The following LRRC36 variants were observed in gnomAD, a reference collection of about 807,000 sequenced individuals.
LRRC36 encodes the protein leucine-rich repeat-containing protein 36.
LRRC36 carries 62 observed loss-of-function variants against 81.1 expected under a neutral mutation model. The ratio of observed to expected loss-of-function variants is 0.76; its 90% CI spans 0.62 to 0.94. The LOEUF (loss-of-function observed/expected upper bound fraction) is 0.94, where lower values mean the gene tolerates loss of function less well. Among genes scored for constraint, LRRC36 ranks in the 40% least tolerant of loss-of-function variants. The probability of loss-of-function intolerance (pLI) is 0.00; values close to 1 mark genes in which losing one functional copy is unlikely to be tolerated. For synonymous variants in LRRC36, 334 were observed against 348.6 expected (o/e 0.96, Z 0.47); for missense variants, 761 against 881.7 (o/e 0.86, Z 1.73).
At chr16:67,327,822 A>G (rs767417710) in intron 1 of LRRC36, among the ~76,000 whole-genome samples, 5 of 152,198 alleles carry the variant, frequency 3.3e-5, no homozygotes, top group African/African-American at 4.8e-5. Flanking sequence ...GCAATGGCCA[A>G]CTGTGCCAAA....
chr16:67,374,814 A>C (rs1053135811), intron 9 of LRRC36, among the ~76,000 whole-genome samples: 6 of 152,128 alleles, frequency 3.9e-5, no homozygotes, highest in Non-Finnish European at 1.5e-5. Flanking sequence ...CCAAACTGAA[A>C]GATGAAATCA....
intron 5 of LRRC36, among the ~76,000 whole-genome samples, chr16:67,355,395 GA>G (rs1188208481): frequency 2.0e-4 from 15 of 76,814 alleles, no homozygotes; most frequent in African/African-American, 7.5e-4. Context: ...TTTTTTTTGA[GA>G]CGGAGTCTCG....
intron 1 of LRRC36, among the ~76,000 whole-genome samples, chr16:67,333,852 C>T (rs2037618729): frequency 6.6e-6 from 1 of 152,106 alleles, no homozygotes; most frequent in Admixed American, 6.6e-5. Context: ...CCTCTCCCCA[C>T]CCACCCCGTT....
chr16:67,384,816 G>C, intron 13 of LRRC36, 54 bp from the exon 14 acceptor site: 1 of 1,417,966 alleles, frequency 7.1e-7, no homozygotes, highest in Non-Finnish European at 9.9e-7. Context: ...GGGTCTGCAT[G>C]GTATCTCTCT....
In LRRC36 at chr16:67,384,942, G is replaced by A. The variant is rs141632423; in HGVS notation, c.2118G>A (p.Ala706=). The change falls in exon 14 of 14, where the codon GCG becomes GCA. Residue 706 remains alanine (A), a synonymous_variant. Transcript: ENST00000329956. ...AGCCAAAAGGTTATTCCGGGAAAGC[G>A]CTCCTGCCTCCTGAGAAGGGTCATC... The part of the protein sequence containing the change: ...NKEPKGYSGK[A]LLPPEKGHHL... 18 of 1,614,176 alleles carry A rather than the reference G, an allele frequency of 1.1e-5. No homozygotes were observed. Among genetic ancestry groups the A allele is most frequent in the East Asian group, 2.2e-5 (1 of 44,874 alleles).
At chr16:67,378,842 T>C (rs2040009645) in intron 12 of LRRC36, 130 bp downstream of exon 12, 3 of 976,126 alleles carry the variant, frequency 3.1e-6, no homozygotes, top group Non-Finnish European at 4.5e-6. Context: ...TCAGTTTTCC[T>C]GGCAGTTAAC....
chr16:67,382,015 G>A, intron 12 of LRRC36, 118 bp from the exon 13 acceptor site: 1 of 663,628 alleles, frequency 1.5e-6, no homozygotes, highest in South Asian at 1.8e-5. Flanking sequence ...GCAATGGAGT[G>A]TGAAGTTGGG....
chr16:67,335,581 TTAAAG>T (rs2037718977), intron 1 of LRRC36, among the ~76,000 whole-genome samples: 1 of 152,184 alleles, frequency 6.6e-6, no homozygotes, highest in Admixed American at 6.5e-5. Context: ...AATTAAGAGA[TTAAAG>T]TAAAGACAGG....
At chr16:67,345,495 G>T (rs950852926) in intron 2 of LRRC36, among the ~76,000 whole-genome samples, 3 of 152,110 alleles carry the variant, frequency 2.0e-5, no homozygotes, top group Non-Finnish European at 4.4e-5. Flanking sequence ...AGGCCTGATT[G>T]TACTGTTGCC....
chr16:67,336,692 G>C (rs560064342), intron 1 of LRRC36: 1 of 151,560 alleles, frequency 6.6e-6, no homozygotes, highest in South Asian at 2.1e-4. Context: ...CTGGACTCAA[G>C]CAATCCTGTC....
rs746204676 is a variant in LRRC36, at chr16:67,375,247, C to T, written c.1495C>T (p.Pro499Ser). The T allele has an allele frequency of 1.9e-6, 3 of 1,609,006 alleles. No individual in the cohort carries two copies. The highest frequency in any genetic ancestry group is 1.1e-5 in the South Asian group (1 of 90,904). ...TTTTTGCTTTTTTTTTTCTCTTGAG[C>T]CTCTCTCTAGTGACCTGGGTAGTTT... ...HGFQDATGSE[P>S]LSSDLGSLHG... is the part of the protein sequence containing the mutation. The change falls in exon 10 of 14, where the codon CCT becomes TCT. Residue 499 changes from proline (P) to serine (S), a missense_variant and splice_region_variant. Physicochemically the swap from Pro to Ser is moderately conservative, Grantham distance 74. Coordinates refer to ENST00000329956, the MANE Select transcript of LRRC36 (RefSeq NM_018296.6).
intron 12 of LRRC36, among the ~76,000 whole-genome samples, chr16:67,381,864 G>A (rs576461290): frequency 6.6e-6 from 1 of 152,238 alleles, no homozygotes; most frequent in Admixed American, 6.5e-5. Context: ...TGATCCACCC[G>A]CCTCAGCCTC....
At chr16:67,327,727 A>G (rs190272566) in intron 1 of LRRC36, among the ~76,000 whole-genome samples, 1 of 152,266 alleles carries the variant, frequency 6.6e-6, no homozygotes, top group Admixed American at 6.5e-5. Context: ...TTAAGACTCA[A>G]CCTTGGAATA....
In LRRC36 at chr16:67,375,262, C is replaced by T. The variant is rs1006300491; in HGVS notation, c.1510C>T (p.Leu504=). ...TTCTCTTGAGCCTCTCTCTAGTGAC[C>T]TGGGTAGTTTGCACGGTTTGGCTGG... The part of the protein sequence containing the change: ...ATGSEPLSSD[L]GSLHGLAGNH... Residue 504 remains leucine (L), a synonymous_variant, in exon 10 of 14, where the codon CTG becomes TTG. Transcript: ENST00000329956. 5 of 1,611,984 alleles carry T rather than the reference C, an allele frequency of 3.1e-6. No individual in the cohort carries two copies. The South Asian group carries it at 4.4e-5, about 14-fold the overall frequency.
Position 67,367,267 on chromosome 16 carries a change from T to C in LRRC36, c.1005T>C (p.Ser335=). Residue 335 remains serine (S), a synonymous_variant, in exon 8 of 14, where the codon AGT becomes AGC. Transcript: ENST00000329956. The part of the protein sequence containing the change: ...PSDVGLENYD[S]CYSQTLSLHG... ...ATGTTGGTCTGGAAAATTATGACAG[T>C]TGTTATTCTCAAACTCTATCCCTGC... 6.2e-7 allele frequency: 1 copy of C among 1,614,186 alleles called. No individual in the cohort carries two copies. Among genetic ancestry groups the C allele is most frequent in the Non-Finnish European group, 8.5e-7 (1 of 1,180,030 alleles).
intron 12 of LRRC36, among the ~76,000 whole-genome samples, 159 bp downstream of exon 12, chr16:67,378,871 T>C (rs1008063262): frequency 3.9e-5 from 6 of 152,232 alleles, no homozygotes; most frequent in African/African-American, 1.4e-4. Flanking sequence ...TCATCTTGCC[T>C]CAGAGAATTG....
In LRRC36 at chr16:67,327,046, C is replaced by T. The variant is rs556748040; in HGVS notation, c.70+114C>T. ...TAGAGGCGAGGGAACCACAGAGAAGCGGTACCTGAGGCTGGGGGGCGGGGG... is the reference window on the plus strand; with the variant it reads ...TAGAGGCGAGGGAACCACAGAGAAGTGGTACCTGAGGCTGGGGGGCGGGGG... On this transcript the variant is annotated intron_variant, in intron 1 of 13. Transcript: ENST00000329956. 11 of 816,092 alleles carry T rather than the reference C, an allele frequency of 1.3e-5. No homozygotes were observed. In the South Asian group the frequency reaches 2.5e-4, roughly 18 times the overall value. The allele number at this position is 816,092 out of a possible 1,614,324, so 50.6% of individuals were successfully genotyped here. A position where few individuals can be genotyped will look rare whatever the true frequency, so the allele number is the denominator to read the frequency against.
intron 1 of LRRC36, among the ~76,000 whole-genome samples, chr16:67,335,858 G>A (rs1362160838): frequency 2.0e-5 from 3 of 151,830 alleles, no homozygotes; most frequent in African/African-American, 4.8e-5. Context: ...TCAGCCTCCC[G>A]AGTAGCTGGG....
At chr16:67,341,865 TGAGATATGGGA>T in intron 1 of LRRC36, 81 bp from the exon 2 acceptor site, 2 of 1,004,510 alleles carry the variant, frequency 2.0e-6, no homozygotes, top group Non-Finnish European at 2.9e-6. Context: ...CTTGCACAGT[TGAGATATGGGA>T]GGAAGAAAGG....
Sources: allele counts gnomAD v4.1 joint callset (sites outside exome capture counted in the v4.1 genomes callset), GRCh38; gene constraint gnomAD v4.1.1; transcripts MANE v1.5; gene names NCBI Gene and HGNC (gene_info 2026-07-23, HGNC 2026-07-21).